SLIT2: variants seen among roughly 807,000 people sequenced by gnomAD.
The protein encoded by SLIT2 is slit homolog 2 protein.
In SLIT2, 41 loss-of-function variants were observed where a neutral mutation model predicts 185.7. The ratio of observed to expected loss-of-function variants is 0.22; its 90% CI spans 0.17 to 0.29. SLIT2 has a LOEUF of 0.29. Among genes scored for constraint, SLIT2 ranks in the 10% least tolerant of loss-of-function variants. The probability of loss-of-function intolerance (pLI) is 1.00; values close to 1 mark genes in which losing one functional copy is unlikely to be tolerated. For missense variants in SLIT2, 1,571 were observed against 1,909.0 expected, an observed-to-expected ratio of 0.82 and a Z score of 3.30; for synonymous variants, 693 against 680.2, an observed-to-expected ratio of 1.02 and a Z score of -0.29.
intron 21 of SLIT2, among the ~76,000 whole-genome samples, chr4:20,542,861 T>TGC (rs60877446): frequency 6.3e-5 from 3 of 47,972 alleles, no homozygotes; most frequent in Non-Finnish European, 9.9e-5. Context: ...TGTGTGTGTG[T>TGC]GCGCTATAAG....
chr4:20,450,094 T>C (rs1490843811), intron 4 of SLIT2, among the ~76,000 whole-genome samples: 1 of 152,226 alleles, frequency 6.6e-6, no homozygotes, highest in Non-Finnish European at 1.5e-5. Flanking sequence ...GAAGATTACC[T>C]TTGATAATGT....
intron 30 of SLIT2, among the ~76,000 whole-genome samples, chr4:20,594,018 G>A (rs899057140): frequency 1.3e-5 from 2 of 149,678 alleles, no homozygotes; most frequent in African/African-American, 4.9e-5. Context: ...ACATATGTAT[G>A]TGTGTATATA....
At chr4:20,435,269 A>G (rs373363447) in intron 4 of SLIT2, among the ~76,000 whole-genome samples, 35 of 152,166 alleles carry the variant, frequency 2.3e-4, no homozygotes, top group African/African-American at 8.4e-4. Context: ...TGGTATGACA[A>G]CCAGTGGTCC....
At chr4:20,486,153 A>G (rs375354639) in intron 6 of SLIT2, 47 bp from the exon 7 acceptor site, 9 of 1,142,486 alleles carry the variant, frequency 7.9e-6, no homozygotes. Context: ...AAAATGATCA[A>G]TCAATTTTGT....
At chr4:20,558,619 C>T (rs1237269649) in intron 26 of SLIT2, among the ~76,000 whole-genome samples, 1 of 152,014 alleles carries the variant, frequency 6.6e-6, no homozygotes, top group East Asian at 1.9e-4. Context: ...TCTCCAAGGT[C>T]TGCCTGTACA....
chr4:20,428,392 A>G (rs770475967), intron 4 of SLIT2, among the ~76,000 whole-genome samples: 2 of 152,146 alleles, frequency 1.3e-5, no homozygotes, highest in Non-Finnish European at 2.9e-5. Context: ...GGAAAATACT[A>G]TCTTGACTCA....
At chr4:20,295,758 T>A (rs2109093114) in intron 4 of SLIT2, among the ~76,000 whole-genome samples, 1 of 152,326 alleles carries the variant, frequency 6.6e-6, no homozygotes, top group South Asian at 2.1e-4. Flanking sequence ...TTAAAAAATT[T>A]AAAATTGATG....
At chr4:20,317,156 C>T (rs1192603651) in intron 4 of SLIT2, among the ~76,000 whole-genome samples, 1 of 151,854 alleles carries the variant, frequency 6.6e-6, no homozygotes, top group Non-Finnish European at 1.5e-5. Context: ...AGTAATATCT[C>T]CTTGAGTTTA....
chr4:20,430,035 T>G (rs1386838584), intron 4 of SLIT2, among the ~76,000 whole-genome samples: 1 of 152,160 alleles, frequency 6.6e-6, no homozygotes, highest in Non-Finnish European at 1.5e-5. Flanking sequence ...TTTATATGAG[T>G]TTTTTTACAA....
chr4:20,607,379 G>A (rs1728871366), intron 33 of SLIT2, among the ~76,000 whole-genome samples: 1 of 152,116 alleles, frequency 6.6e-6, no homozygotes, highest in African/African-American at 2.4e-5. Context: ...TCATCTAGGA[G>A]TATTGCTAAA....
At chr4:20,393,162 T>C (rs1725576390) in intron 4 of SLIT2, among the ~76,000 whole-genome samples, 1 of 152,088 alleles carries the variant, frequency 6.6e-6, no homozygotes, top group South Asian at 2.1e-4. Context: ...GGACCATCAT[T>C]GTATATGCGA....
chr4:20,391,428 A>G (rs1486353446), intron 4 of SLIT2, among the ~76,000 whole-genome samples: 1 of 152,080 alleles, frequency 6.6e-6, no homozygotes, highest in Non-Finnish European at 1.5e-5. Context: ...TGTTTATTCA[A>G]CTGTGGAAAG....
chr4:20,342,707 G>A (rs1162976088), intron 4 of SLIT2, among the ~76,000 whole-genome samples: 2 of 135,280 alleles, frequency 1.5e-5, no homozygotes, highest in South Asian at 2.3e-4. Context: ...GCCATTCATC[G>A]ACTATCGCAC....
chr4:20,369,604 C>T (rs1353773711), intron 4 of SLIT2, among the ~76,000 whole-genome samples: 1 of 152,068 alleles, frequency 6.6e-6, no homozygotes, highest in Non-Finnish European at 1.5e-5. Context: ...TTTGTCCTTC[C>T]TCTTGGCATG....
At chr4:20,498,235 T>C (rs1335823987) in intron 9 of SLIT2, among the ~76,000 whole-genome samples, 1 of 151,732 alleles carries the variant, frequency 6.6e-6, no homozygotes, top group African/African-American at 2.4e-5. Flanking sequence ...ATGAAGAAAA[T>C]ATAGAAGGGG....
At chr4:20,476,820 C>T (rs1188196200) in intron 5 of SLIT2, among the ~76,000 whole-genome samples, 1 of 152,138 alleles carries the variant, frequency 6.6e-6, no homozygotes, top group Non-Finnish European at 1.5e-5. Context: ...AAATGATGGA[C>T]TAGCATCTCT....
intron 4 of SLIT2, among the ~76,000 whole-genome samples, chr4:20,283,938 C>T (rs746584399): frequency 6.6e-6 from 1 of 152,130 alleles, no homozygotes; most frequent in Non-Finnish European, 1.5e-5. Context: ...CTTTGGTTTC[C>T]ATACCATGTA....
At chr4:20,591,042 C>T (rs1727477494) in intron 30 of SLIT2, among the ~76,000 whole-genome samples, 1 of 152,184 alleles carries the variant, frequency 6.6e-6, no homozygotes, top group African/African-American at 2.4e-5. Context: ...CATCAGACAG[C>T]TAGCAAATAG....
rs78889800 is a variant in SLIT2 at position 20,271,567 on chromosome 4, TA to T, written c.395+2693del. ...AGAGGCATACTATATGCAGAACTCA[TA>T]AAAAAACAAATTTAGGATTTACTTC... On this transcript the variant is annotated intron_variant, in intron 4 of 36. Transcript: ENST00000504154. Among the ~76,000 whole-genome samples the T allele has an allele frequency of 3.0e-3, 443 of 149,666 alleles. 6 individuals carry two copies. In the East Asian group the frequency reaches 0.067, roughly 23 times the overall value.
Sources: allele counts gnomAD v4.1 joint callset (sites outside exome capture counted in the v4.1 genomes callset), GRCh38; gene constraint gnomAD v4.1.1; transcripts MANE v1.5; gene names NCBI Gene and HGNC (gene_info 2026-07-23, HGNC 2026-07-21).